Variants in TMEM245 observed in about 807,000 individuals in gnomAD.
The protein encoded by TMEM245 is protein CG-2.
A neutral mutation model predicts 101.2 loss-of-function variants in TMEM245; 69 were observed. The observed-to-expected ratio is 0.68, with a 90% CI of 0.56 to 0.83. The LOEUF (loss-of-function observed/expected upper bound fraction) is 0.83, where lower values mean the gene tolerates loss of function less well. Ranked by LOEUF, TMEM245 falls within the 40% of genes least tolerant of loss-of-function variation. TMEM245 has a pLI of 0.00. For synonymous variants in TMEM245, 537 were observed against 449.8 expected, an observed-to-expected ratio of 1.19 and a Z score of -2.45; for missense variants, 1,075 against 1,092.8, an observed-to-expected ratio of 0.98 and a Z score of 0.23.
At chr9:109,117,477 C>G (rs1830755966) in intron 1 of TMEM245, among the ~76,000 whole-genome samples, 2 of 152,174 alleles carry the variant, frequency 1.3e-5, no homozygotes. Flanking sequence ...ACTCCCAGGT[C>G]TAATCAGTGT....
At chr9:109,060,589 T>G (rs1828983965) in intron 10 of TMEM245, 137 bp from the exon 11 acceptor site, 2 of 583,602 alleles carry the variant, frequency 3.4e-6, no homozygotes, top group Non-Finnish European at 5.9e-6. Context: ...CATATTACGT[T>G]CTTTCCTTAA....
intron 17 of TMEM245, among the ~76,000 whole-genome samples, chr9:109,032,091 C>G (rs1384359068): frequency 6.6e-6 from 1 of 152,186 alleles, no homozygotes; most frequent in Non-Finnish European, 1.5e-5. Context: ...GGCGGAACTG[C>G]TTGCAAATAA....
intron 9 of TMEM245, among the ~76,000 whole-genome samples, chr9:109,071,740 T>C (rs1829341692): frequency 6.6e-6 from 1 of 152,162 alleles, no homozygotes. Context: ...TGGCAGAATA[T>C]TTCCTGACTT....
At chr9:109,091,228 T>A (rs1829998174) in intron 4 of TMEM245, 73 bp from the exon 5 acceptor site, 1 of 1,326,484 alleles carries the variant, frequency 7.5e-7, no homozygotes, top group South Asian at 1.3e-5. Context: ...AGCCACTCAT[T>A]AGGCTAGCCT....
At chr9:109,052,292 T>A (rs991514423) in intron 12 of TMEM245, among the ~76,000 whole-genome samples, 1 of 152,234 alleles carries the variant, frequency 6.6e-6, no homozygotes, top group African/African-American at 2.4e-5. Context: ...CAGATGATAT[T>A]ATCTCTATTT....
intron 17 of TMEM245, among the ~76,000 whole-genome samples, chr9:109,027,798 G>A (rs1330100697): frequency 6.6e-6 from 1 of 152,022 alleles, no homozygotes; most frequent in African/African-American, 2.4e-5. Flanking sequence ...TGATTCTCCT[G>A]CCTCAGTCTC....
In TMEM245 at chr9:109,028,043, G is replaced by A. The variant is rs1466612280; in HGVS notation, c.2594+5264C>T. On this transcript the variant is annotated intron_variant, in intron 17 of 17. Coordinates refer to ENST00000374586, the MANE Select transcript of TMEM245 (RefSeq NM_032012.4). ...CTTCAATACCTGATATTGTGGTTCTGTTAATACAGGTTAGTGTCCCTTATC... is the reference window on the plus strand; with the variant it reads ...CTTCAATACCTGATATTGTGGTTCTATTAATACAGGTTAGTGTCCCTTATC... 2.6e-5 allele frequency among the ~76,000 whole-genome samples: 4 copies of A among 152,226 alleles called. No homozygotes were observed. In the East Asian group the frequency reaches 7.7e-4, roughly 29 times the overall value.
intron 8 of TMEM245, among the ~76,000 whole-genome samples, chr9:109,079,282 T>C (rs992558498): frequency 2.0e-5 from 3 of 151,844 alleles, no homozygotes; most frequent in East Asian, 1.9e-4. Flanking sequence ...CCAGGACATA[T>C]TAGGAAGGTG....
chr9:109,090,961 T>C lies in TMEM245; in HGVS notation c.1111A>G (p.Asn371Asp), dbSNP rs762771638. ...GGCAGCAACTGCACAATCCACAGGT[T>C]CAACCAGATCTGCATGACGACAATG... is the stretch of plus-strand genomic sequence containing the variant. ...WAIVVMQIWL[N>D]LWIVQLLPVP... The change falls in exon 5 of 18, where the codon AAC becomes GAC. Residue 371 changes from asparagine to aspartate, a missense_variant. Coordinates refer to ENST00000374586, the MANE Select transcript of TMEM245 (RefSeq NM_032012.4). 5.6e-6 allele frequency: 9 copies of C among 1,614,038 alleles called. No homozygotes were observed. In the Admixed American group the frequency reaches 1.5e-4, roughly 27 times the overall value.
chr9:109,061,378 T>C (rs1706238487), intron 10 of TMEM245, among the ~76,000 whole-genome samples: 1 of 152,156 alleles, frequency 6.6e-6, no homozygotes, highest in South Asian at 2.1e-4. Context: ...CTTAATACAA[T>C]TGTTTCCATT....
intron 7 of TMEM245, among the ~76,000 whole-genome samples, chr9:109,081,577 G>C (rs932566622): frequency 4.6e-5 from 7 of 152,032 alleles, no homozygotes; most frequent in Admixed American, 4.6e-4. Flanking sequence ...ATCAAGGAGG[G>C]GCACAAAACA....
At chr9:109,073,302 A>G in intron 9 of TMEM245, 54 bp downstream of exon 9, 1 of 1,352,354 alleles carries the variant, frequency 7.4e-7, no homozygotes, top group Non-Finnish European at 1.1e-6. Context: ...TCGTGCAAAC[A>G]GATGCTGAAA....
chr9:109,045,622 C>A (rs570922635), intron 14 of TMEM245, among the ~76,000 whole-genome samples: 1 of 152,214 alleles, frequency 6.6e-6, no homozygotes, highest in African/African-American at 2.4e-5. Context: ...AAATAGTAAA[C>A]GTGTATTTCA....
At chr9:109,088,230 G>A (rs1829897293) in intron 5 of TMEM245, among the ~76,000 whole-genome samples, 3 of 152,134 alleles carry the variant, frequency 2.0e-5, no homozygotes. Flanking sequence ...TTTGAACCAT[G>A]AGCTCAGTGT....
chr9:109,105,496 C>T (rs569840626), intron 3 of TMEM245, among the ~76,000 whole-genome samples: 51 of 152,314 alleles, frequency 3.3e-4, no homozygotes, highest in African/African-American at 1.2e-3. Context: ...TAATTCTACT[C>T]ATAGGTAAAC....
At chr9:109,041,633 G>A (rs1828312709) in intron 14 of TMEM245, among the ~76,000 whole-genome samples, 1 of 151,410 alleles carries the variant, frequency 6.6e-6, no homozygotes, top group Non-Finnish European at 1.5e-5. Flanking sequence ...CAGTTAGGAT[G>A]CATAAGTTCA....
Position 109,087,313 on chromosome 9 carries a change from A to C in TMEM245, c.1180T>G (p.Phe394Val). The change falls in exon 6 of 18, where the codon TTT (phenylalanine) becomes GTT (valine). Residue 394 changes from phenylalanine to valine, a missense_variant. By Grantham distance (50) the Phe-to-Val change is conservative (BLOSUM62 -1). This residue lies in a region of TMEM245 where 808 missense variants were observed against 741.5 expected (regional missense o/e 1.09). Coordinates refer to ENST00000374586, the MANE Select transcript of TMEM245 (RefSeq NM_032012.4). ...TTCTCTAGGAAATCCACAACTCCAA[A>C]GTGAATGACAAGCTTTTTGAGTATC... ...VWILKKLVIH[F>V]GVVDFLEKRY... 2 of 1,607,536 alleles carry C rather than the reference A, an allele frequency of 1.2e-6. No individual in the cohort carries two copies. The highest frequency in any genetic ancestry group is 2.2e-5 in the South Asian group (2 of 89,596).
At chr9:109,054,035 C>T (rs900345216) in intron 12 of TMEM245, among the ~76,000 whole-genome samples, 2 of 152,124 alleles carry the variant, frequency 1.3e-5, no homozygotes, top group African/African-American at 4.8e-5. Context: ...TTTCTAAATA[C>T]AACAATAATT....
At chr9:109,073,635 T>G (rs1393959279) in intron 8 of TMEM245, among the ~76,000 whole-genome samples, 197 bp from the exon 9 acceptor site, 1 of 152,220 alleles carries the variant, frequency 6.6e-6, no homozygotes, top group East Asian at 1.9e-4. Context: ...AAATAAAAAG[T>G]ACATGCTAGC....
Sources: allele counts gnomAD v4.1 joint callset (sites outside exome capture counted in the v4.1 genomes callset), GRCh38; gene constraint gnomAD v4.1.1; regional missense constraint gnomAD v4.1.1; transcripts MANE v1.5; gene names NCBI Gene and HGNC (gene_info 2026-07-23, HGNC 2026-07-21).